DNAJA2: variants seen among roughly 807,000 people sequenced by gnomAD.
The protein encoded by DNAJA2 is dnaJ homolog subfamily A member 2.
A neutral mutation model predicts 49.3 loss-of-function variants in DNAJA2; 6 were observed. The observed-to-expected ratio is 0.12, with a 90% CI of 0.07 to 0.24. The LOEUF (loss-of-function observed/expected upper bound fraction) is 0.24, where lower values mean the gene tolerates loss of function less well. Among genes scored for constraint, DNAJA2 ranks in the 10% least tolerant of loss-of-function variants. The pLI is 1.00. For synonymous variants in DNAJA2, 160 were observed against 172.7 expected, an observed-to-expected ratio of 0.93 and a Z score of 0.58; for missense variants, 347 against 516.8, an observed-to-expected ratio of 0.67 and a Z score of 3.19.
At chr16:46,957,879 A>T (rs1961837669) in intron 8 of DNAJA2, among the ~76,000 whole-genome samples, 1 of 152,080 alleles carries the variant, frequency 6.6e-6, no homozygotes, top group African/African-American at 2.4e-5. Flanking sequence ...CTCTCCAGGG[A>T]GTGCTACTCC....
Position 46,960,150 on chromosome 16 carries a change from C to T in DNAJA2, c.775-731G>A, listed in dbSNP as rs552558231. On this transcript the variant is annotated intron_variant, in intron 6 of 8. Transcript: ENST00000317089. ...CCTGGCCGGTTCACTTATAGAAAAT[C>T]TGGTAGACAGGTTCTTTTCCTATGT... Among the ~76,000 whole-genome samples, 4 of 152,354 alleles carry T rather than the reference C, an allele frequency of 2.6e-5. No homozygotes were observed. In the East Asian group the frequency reaches 7.7e-4, roughly 29 times the overall value.
rs1567351854 is a variant in DNAJA2 at position 46,956,453 on chromosome 16, GAA to G, written c.*574_*575del. ...ACAAGATGGTAAAAAAAAAAAAAAA[GAA>G]AAAAGAAAAAAAAAACAAAACCAAA... On this transcript the variant is annotated 3_prime_UTR_variant, in exon 9 of 9. Coordinates refer to ENST00000317089, the MANE Select transcript of DNAJA2 (RefSeq NM_005880.4). 8.2e-6 allele frequency: 1 copy of G among 122,072 alleles called. No homozygotes were observed. Among genetic ancestry groups the G allele is most frequent in the Non-Finnish European group, 1.8e-5 (1 of 56,462 alleles). The allele number at this position is 122,072 out of a possible 1,614,324, so 7.6% of individuals were successfully genotyped here.
chr16:46,971,832 T>C, intron 2 of DNAJA2, 64 bp downstream of exon 2: 1 of 1,389,752 alleles, frequency 7.2e-7, no homozygotes, highest in Non-Finnish European at 1.0e-6. Flanking sequence ...ATTCCTCTTT[T>C]TCAAGGAGGG....
intron 6 of DNAJA2, among the ~76,000 whole-genome samples, chr16:46,963,486 T>C (rs962364511): frequency 2.7e-5 from 4 of 146,834 alleles, no homozygotes; most frequent in Non-Finnish European, 4.5e-5. Flanking sequence ...CTGGGCAATA[T>C]GGCAAGACCC....
At chr16:46,971,088 G>A (rs747033816) in intron 3 of DNAJA2, among the ~76,000 whole-genome samples, 2 of 150,952 alleles carry the variant, frequency 1.3e-5, no homozygotes, top group Non-Finnish European at 2.9e-5. Context: ...GAAATTTTAA[G>A]TCCTATAATA....
chr16:46,958,990 AAAG>A lies in DNAJA2; in HGVS notation c.1047+10_1047+12del. 1 of 1,568,398 alleles carries A rather than the reference AAAG, an allele frequency of 6.4e-7. No homozygotes were observed. The highest frequency in any genetic ancestry group is 8.6e-7 in the Non-Finnish European group (1 of 1,162,368). On this transcript the variant is annotated intron_variant, in intron 8 of 8. Transcript: ENST00000317089. ...TTGGAAGTCAACTGTTGTTTAATTT[AAAG>A]AACACTTACAGAAAGCTTGTCTGGG...
chr16:46,959,481 A>G lies in DNAJA2; in HGVS notation c.775-62T>C, dbSNP rs577335496. The stretch of plus-strand genomic sequence containing the variant: ...AAATTATGGAGGTACACCCTGCAGC[A>G]TTATGTTCCTTGACTTAATTTCAAA... On this transcript the variant is annotated intron_variant, in intron 6 of 8. Transcript: ENST00000317089. The G allele has an allele frequency of 2.9e-5, 42 of 1,447,906 alleles. No homozygotes were observed. The South Asian group carries it at 5.1e-4, about 18-fold the overall frequency. 89.7% of individuals were successfully genotyped at this position (1,447,906 alleles called of 1,614,324 possible).
At chr16:46,959,469 A>G (rs751862387) in intron 6 of DNAJA2, 50 bp from the exon 7 acceptor site, 1 of 1,514,954 alleles carries the variant, frequency 6.6e-7, no homozygotes. Flanking sequence ...TTATGGAGGT[A>G]CACCCTGCAG....
At position 46,973,624 on chromosome 16, in the gene DNAJA2, G is replaced by A; in HGVS notation, c.-52C>T. 4 of 1,564,696 alleles carry A rather than the reference G, an allele frequency of 2.6e-6. No individual in the cohort carries two copies. The highest frequency in any genetic ancestry group is 3.4e-6 in the Non-Finnish European group (4 of 1,160,026). ...AGAAGGTGGCGAAGCAGACAGAGCG[G>A]AGTCGGGCCCACAAGCGGCGTCGGC... On this transcript the variant is annotated 5_prime_UTR_variant, in exon 1 of 9. Coordinates refer to ENST00000317089, the MANE Select transcript of DNAJA2 (RefSeq NM_005880.4).
chr16:46,961,892 C>G (rs910395776), intron 6 of DNAJA2, among the ~76,000 whole-genome samples: 1 of 152,002 alleles, frequency 6.6e-6, no homozygotes, highest in African/African-American at 2.4e-5. Context: ...TCACCAGGTT[C>G]TGTGGTTTGA....
At chr16:46,968,665 T>C (rs1962007089) in intron 3 of DNAJA2, among the ~76,000 whole-genome samples, 1 of 152,200 alleles carries the variant, frequency 6.6e-6, no homozygotes, top group Non-Finnish European at 1.5e-5. Context: ...CAAAGTTATA[T>C]TTCGGCTTAA....
chr16:46,970,730 C>CAAAAAAAAAAAAAAAAAAAAA (rs10523905), intron 3 of DNAJA2, among the ~76,000 whole-genome samples: 2 of 32,200 alleles, frequency 6.2e-5, no homozygotes, highest in African/African-American at 1.0e-4. Flanking sequence ...GACTCCATTT[C>CAAAAAAAAAAAAAAAAAAAAA]AAAAAAAAAA....
chr16:46,958,877 G>A (rs1188339177), intron 8 of DNAJA2, 126 bp downstream of exon 8: 6 of 1,023,436 alleles, frequency 5.9e-6, no homozygotes, highest in South Asian at 1.8e-5. Context: ...CCAGGAGGTC[G>A]AGGCTGCAGT....
chr16:46,972,998 C>T (rs1962078270), intron 1 of DNAJA2: 1 of 152,086 alleles, frequency 6.6e-6, no homozygotes, highest in Non-Finnish European at 1.5e-5. Context: ...CCCCATCCGC[C>T]CGAGGCGCTC....
intron 3 of DNAJA2, among the ~76,000 whole-genome samples, chr16:46,968,571 G>A (rs1962006044): frequency 6.6e-6 from 1 of 152,174 alleles, no homozygotes; most frequent in South Asian, 2.1e-4. Flanking sequence ...CTGAGGCACA[G>A]AACAGTCAAG....
chr16:46,971,040 A>C (rs1452720338), intron 3 of DNAJA2, among the ~76,000 whole-genome samples: 1 of 151,784 alleles, frequency 6.6e-6, no homozygotes, highest in Non-Finnish European at 1.5e-5. Flanking sequence ...GGTCTCAAAA[A>C]AAAAAAAAGA....
In DNAJA2 at chr16:46,970,730, C is replaced by CAAAAAAAAAAAAAAAAA. The variant is rs10523905; in HGVS notation, c.362+602_362+618dup. Reference sequence around the variant, plus strand: ...AACCCGGGCGACAGGGACTCCATTTCAAAAAAAAAAAAAAAAAAAAAAAAA... The same window carrying CAAAAAAAAAAAAAAAAA: ...AACCCGGGCGACAGGGACTCCATTTCAAAAAAAAAAAAAAAAAAAAAAAAAAAAAAAAAAAAAAAAAA... On this transcript the variant is annotated intron_variant, in intron 3 of 8. Coordinates refer to ENST00000317089, the MANE Select transcript of DNAJA2 (RefSeq NM_005880.4). Among the ~76,000 whole-genome samples, 28 of 32,200 alleles carry CAAAAAAAAAAAAAAAAA rather than the reference C, an allele frequency of 8.7e-4. 9 individuals are homozygous for CAAAAAAAAAAAAAAAAA. Among genetic ancestry groups the CAAAAAAAAAAAAAAAAA allele is most frequent in the East Asian group, 2.1e-3 (2 of 944 alleles). 21.1% of individuals were successfully genotyped at this position (32,200 alleles called of 152,430 possible).
rs368301589 is a variant in DNAJA2 at position 46,964,815 on chromosome 16, G to A, written c.578-8C>T. 13 of 1,610,136 alleles carry A rather than the reference G, an allele frequency of 8.1e-6. No individual in the cohort carries two copies. The highest frequency in any genetic ancestry group is 1.1e-5 in the Non-Finnish European group (13 of 1,178,088). On this transcript the variant is annotated splice_region_variant and splice_polypyrimidine_tract_variant and intron_variant, in intron 5 of 8. Transcript: ENST00000317089. Reference sequence around the variant, plus strand: ...TTTCATTAATTACCTCTCCTGGAAAGAGAAGTCATTGAAACTTTCAGCAAG... The same window carrying A: ...TTTCATTAATTACCTCTCCTGGAAAAAGAAGTCATTGAAACTTTCAGCAAG...
At chr16:46,972,027 C>T in intron 1 of DNAJA2, 72 bp from the exon 2 acceptor site, 1 of 1,052,394 alleles carries the variant, frequency 9.5e-7, no homozygotes, top group Non-Finnish European at 1.5e-6. Flanking sequence ...AACTTAATAT[C>T]CACTTTTCTG....
Sources: allele counts gnomAD v4.1 joint callset (sites outside exome capture counted in the v4.1 genomes callset), GRCh38; gene constraint gnomAD v4.1.1; transcripts MANE v1.5; gene names NCBI Gene and HGNC (gene_info 2026-07-23, HGNC 2026-07-21).